The following CSMD1 variants were observed in gnomAD, a reference collection of about 807,000 sequenced individuals.
CSMD1 encodes CUB and Sushi multiple domains 1.
A neutral mutation model predicts 417.5 loss-of-function variants in CSMD1; 213 were observed. The ratio of observed to expected loss-of-function variants is 0.51; its 90% CI spans 0.46 to 0.57. The LOEUF is 0.57. CSMD1 is among the 20% of genes least tolerant of loss of function. The pLI, the probability that CSMD1 is intolerant of heterozygous loss-of-function variation, is 0.00. For missense variants in CSMD1, 6,923 were observed against 4,529.7 expected, an observed-to-expected ratio of 1.53 and a Z score of -15.17; for synonymous variants, 2,862 against 1,736.8, an observed-to-expected ratio of 1.65 and a Z score of -16.11.
chr8:3,768,457 T>G (rs1410745370), intron 5 of CSMD1, among the ~76,000 whole-genome samples: 1 of 152,168 alleles, frequency 6.6e-6, no homozygotes, highest in Non-Finnish European at 1.5e-5. Context: ...AAAATATATT[T>G]CCAACATATT....
At chr8:3,168,818 A>T (rs1014039967) in intron 37 of CSMD1, among the ~76,000 whole-genome samples, 1 of 152,084 alleles carries the variant, frequency 6.6e-6, no homozygotes, top group Non-Finnish European at 1.5e-5. Flanking sequence ...TGCTATTTCT[A>T]TTATTTCCAC....
chr8:4,312,488 G>C (rs925237802), intron 3 of CSMD1, among the ~76,000 whole-genome samples: 2 of 138,024 alleles, frequency 1.4e-5, no homozygotes, highest in African/African-American at 3.2e-5. Context: ...TACACATATA[G>C]AACTCTATGT....
At chr8:3,788,197 A>G (rs760166734) in intron 5 of CSMD1, among the ~76,000 whole-genome samples, 16 of 152,250 alleles carry the variant, frequency 1.1e-4, no homozygotes, top group Non-Finnish European at 1.9e-4. Context: ...ATTACAAATT[A>G]CAGATAGTTG....
At chr8:3,828,678 C>G (rs1802196308) in intron 5 of CSMD1, among the ~76,000 whole-genome samples, 1 of 152,098 alleles carries the variant, frequency 6.6e-6, no homozygotes, top group Non-Finnish European at 1.5e-5. Context: ...TTCTACGGAC[C>G]TCTTTTCAGG....
chr8:3,118,186 A>G (rs1400504960), intron 42 of CSMD1, among the ~76,000 whole-genome samples: 4 of 152,102 alleles, frequency 2.6e-5, no homozygotes, highest in African/African-American at 9.7e-5. Flanking sequence ...CATCCTTATA[A>G]TTTCCTTGGC....
At chr8:3,325,442 A>G (rs987922035) in intron 23 of CSMD1, among the ~76,000 whole-genome samples, 10 of 152,204 alleles carry the variant, frequency 6.6e-5, no homozygotes, top group African/African-American at 1.7e-4. Context: ...TACATTATTT[A>G]TGTCATCCTC....
chr8:3,501,333 T>C (rs1004132770), intron 10 of CSMD1, among the ~76,000 whole-genome samples: 35 of 152,182 alleles, frequency 2.3e-4, no homozygotes, highest in African/African-American at 8.4e-4. Flanking sequence ...TCTTCCTTGA[T>C]AGCACTATTT....
At chr8:4,034,062 A>C (rs147402144) in intron 3 of CSMD1, among the ~76,000 whole-genome samples, 13 of 152,316 alleles carry the variant, frequency 8.5e-5, no homozygotes, top group Non-Finnish European at 1.9e-4. Context: ...GTCTGTATCC[A>C]TTGTCTTTGC....
intron 1 of CSMD1, among the ~76,000 whole-genome samples, chr8:4,754,995 G>A (rs980325896): frequency 4.0e-5 from 6 of 151,800 alleles, no homozygotes; most frequent in Middle Eastern, 3.4e-3. Context: ...AAAATCAGCC[G>A]GGCATGGTGG....
At chr8:3,423,267 C>G (rs900405402) in intron 12 of CSMD1, among the ~76,000 whole-genome samples, 12 of 152,180 alleles carry the variant, frequency 7.9e-5, no homozygotes, top group African/African-American at 2.9e-4. Flanking sequence ...TATCCAACAC[C>G]AAAATCATGG....
At chr8:4,711,534 T>C (rs1028779852) in intron 1 of CSMD1, among the ~76,000 whole-genome samples, 1 of 151,798 alleles carries the variant, frequency 6.6e-6, no homozygotes, top group Non-Finnish European at 1.5e-5. Flanking sequence ...AAAAAAAAAG[T>C]GCTATGGAAG....
At chr8:3,154,341 T>A (rs765759082) in intron 39 of CSMD1, among the ~76,000 whole-genome samples, 3 of 152,190 alleles carry the variant, frequency 2.0e-5, no homozygotes, top group Non-Finnish European at 2.9e-5. Flanking sequence ...CTCTGTGTGG[T>A]CATCAAGTTG....
chr8:4,986,570 T>C (rs2117456506), intron 1 of CSMD1, among the ~76,000 whole-genome samples: 1 of 152,240 alleles, frequency 6.6e-6, no homozygotes, highest in Non-Finnish European at 1.5e-5. Context: ...ATAACACGAA[T>C]GATATCAGAG....
chr8:4,142,059 G>C (rs530334160), intron 3 of CSMD1, among the ~76,000 whole-genome samples: 1 of 150,174 alleles, frequency 6.7e-6, no homozygotes, highest in Non-Finnish European at 1.5e-5. Flanking sequence ...GAATATATAA[G>C]TTGAAAAAAA....
At chr8:4,954,999 G>C (rs999022660) in intron 1 of CSMD1, among the ~76,000 whole-genome samples, 1 of 152,054 alleles carries the variant, frequency 6.6e-6, no homozygotes, top group Non-Finnish European at 1.5e-5. Flanking sequence ...GGTTTTCAAT[G>C]TTCTTTCTTA....
At chr8:3,777,255 G>T (rs146330875) in intron 5 of CSMD1, among the ~76,000 whole-genome samples, 2 of 151,966 alleles carry the variant, frequency 1.3e-5, no homozygotes, top group Non-Finnish European at 1.5e-5. Context: ...GCAGGGGTTT[G>T]TCTGCTTGAT....
intron 21 of CSMD1, among the ~76,000 whole-genome samples, chr8:3,351,305 A>G (rs562953987): frequency 6.6e-6 from 1 of 152,230 alleles, no homozygotes; most frequent in East Asian, 1.9e-4. Flanking sequence ...AAAGTATTAA[A>G]TTGCTATGAA....
chr8:4,172,916 A>G (rs1797846302), intron 3 of CSMD1, among the ~76,000 whole-genome samples: 1 of 152,146 alleles, frequency 6.6e-6, no homozygotes, highest in Non-Finnish European at 1.5e-5. Flanking sequence ...AGTCCCAGCA[A>G]CAAGTTAACA....
chr8:3,864,690 C>T (rs981927232), intron 5 of CSMD1, among the ~76,000 whole-genome samples: 6 of 152,038 alleles, frequency 3.9e-5, no homozygotes, highest in Admixed American at 6.6e-5. Flanking sequence ...GATGAAGGTG[C>T]CCTACTGGGA....
Sources: allele counts gnomAD v4.1 joint callset (sites outside exome capture counted in the v4.1 genomes callset), GRCh38; gene constraint gnomAD v4.1.1; transcripts MANE v1.5; gene names NCBI Gene and HGNC (gene_info 2026-07-23, HGNC 2026-07-21).